NDUFA10: variants seen among roughly 807,000 people sequenced by gnomAD.
The protein encoded by NDUFA10 is NADH dehydrogenase [ubiquinone] 1 alpha subcomplex subunit 10, mitochondrial.
NDUFA10 carries 40 observed loss-of-function variants against 47.8 expected under a neutral mutation model. The ratio of observed to expected loss-of-function variants is 0.84; its 90% CI spans 0.65 to 1.09. NDUFA10 has a LOEUF of 1.09. NDUFA10 is among the 50% of genes least tolerant of loss of function. The pLI, the probability that NDUFA10 is intolerant of heterozygous loss-of-function variation, is 0.00. For missense variants in NDUFA10, 413 were observed against 451.1 expected, an observed-to-expected ratio of 0.92 and a Z score of 0.76; for synonymous variants, 183 against 172.2, an observed-to-expected ratio of 1.06 and a Z score of -0.49.
At chr2:239,934,979 C>T (rs1694240325) in intron 4 of NDUFA10, among the ~76,000 whole-genome samples, 1 of 152,232 alleles carries the variant, frequency 6.6e-6, no homozygotes. Context: ...CCCCACTTTG[C>T]CTTACCCACA....
At chr2:239,935,860 G>T (rs1022404135) in intron 4 of NDUFA10, among the ~76,000 whole-genome samples, 3 of 152,212 alleles carry the variant, frequency 2.0e-5, no homozygotes, top group African/African-American at 7.2e-5. Flanking sequence ...GGAACTGTGA[G>T]TCCATTAAAC....
intron 4 of NDUFA10, among the ~76,000 whole-genome samples, chr2:239,916,629 C>T (rs969067983): frequency 1.3e-5 from 2 of 152,264 alleles, no homozygotes; most frequent in Non-Finnish European, 2.9e-5. Context: ...TATTTCCTCC[C>T]CATTCCAGAG....
intron 4 of NDUFA10, among the ~76,000 whole-genome samples, chr2:239,903,452 G>A (rs1693590819): frequency 6.6e-6 from 1 of 152,178 alleles, no homozygotes; most frequent in South Asian, 2.1e-4. Flanking sequence ...TCCCTGGGCT[G>A]CTCTGCATGT....
intron 7 of NDUFA10, 141 bp from the exon 8 acceptor site, chr2:240,005,436 C>T: frequency 1.4e-6 from 1 of 700,036 alleles, no homozygotes. Flanking sequence ...GCAGCCTTGG[C>T]CTGCTGGGCT....
At position 239,959,586 on chromosome 2, in the gene NDUFA10, T is replaced by G; in HGVS notation, c.*1532A>C. 1 of 985,406 alleles carries G rather than the reference T, an allele frequency of 1.0e-6. No individual in the cohort carries two copies. The highest frequency in any genetic ancestry group is 1.2e-6 in the Non-Finnish European group (1 of 829,976). 61.0% of individuals were successfully genotyped at this position (985,406 alleles called of 1,614,324 possible). A position where few individuals can be genotyped will look rare whatever the true frequency, so the allele number is the denominator to read the frequency against. On this transcript the variant is annotated 3_prime_UTR_variant, in exon 10 of 10. Coordinates refer to ENST00000252711, the MANE Select transcript of NDUFA10 (RefSeq NM_004544.4). ...TTAAATCTCGACTCCAATTCAAAAC[T>G]CCTGGGAAACTTTATTTTCAAATTC...
At chr2:240,012,091 T>G (rs1574886805) in intron 5 of NDUFA10, 1 of 247,618 alleles carries the variant, frequency 4.0e-6, no homozygotes, top group Non-Finnish European at 8.0e-6. Flanking sequence ...GCACACTCTC[T>G]TCTTGTCACC....
At chr2:239,913,292 G>A (rs1365863976) in intron 4 of NDUFA10, among the ~76,000 whole-genome samples, 1 of 152,246 alleles carries the variant, frequency 6.6e-6, no homozygotes, top group Non-Finnish European at 1.5e-5. Context: ...CTCATGCTTA[G>A]CTTGCTCCCT....
chr2:239,927,005 A>G (rs950556354), intron 4 of NDUFA10, among the ~76,000 whole-genome samples: 1 of 152,176 alleles, frequency 6.6e-6, no homozygotes, highest in Non-Finnish European at 1.5e-5. Flanking sequence ...TCACTGTGAC[A>G]AGAACAGCAT....
intron 1 of NDUFA10, 63 bp downstream of exon 1, chr2:240,025,164 T>TGCCCCCCCCCCCCCCC: frequency 3.1e-4 from 186 of 594,862 alleles, no homozygotes; most frequent in East Asian, 6.2e-4. Context: ...GTGGAACTGC[T>TGCCCCCCCCCCCCCCC]CCCCACCCCG....
Position 239,990,150 on chromosome 2 carries a change from G to A in NDUFA10, c.923C>T (p.Thr308Ile). The A allele has an allele frequency of 6.2e-7, 1 of 1,613,888 alleles. No individual in the cohort carries two copies. The highest frequency in any genetic ancestry group is 1.7e-5 in the Admixed American group (1 of 60,012). ...TTCCGGGAGAAAGATAGGAATGCTTGTGTAATTCAGCACCTCAAACTTATC... is the reference window on the plus strand; with the variant it reads ...TTCCGGGAGAAAGATAGGAATGCTTATGTAATTCAGCACCTCAAACTTATC... ...VQDKFEVLNY[T>I]SIPIFLPEVT... The change falls in exon 9 of 10, where the codon ACA becomes ATA. Residue 308 changes from threonine (T) to isoleucine (I), a missense_variant. Transcript: ENST00000252711.
intron 9 of NDUFA10, among the ~76,000 whole-genome samples, chr2:239,989,805 CAG>C (rs1445708376): frequency 6.6e-6 from 1 of 152,206 alleles, no homozygotes; most frequent in African/African-American, 2.4e-5. Context: ...AGCTGATGAA[CAG>C]AGTGTTCTCC....
downstream of NDUFA10, among the ~76,000 whole-genome samples, chr2:239,955,928 C>T (rs894301596): frequency 1.3e-5 from 2 of 152,182 alleles, no homozygotes; most frequent in Non-Finnish European, 2.9e-5. Context: ...ACGGCGCAGG[C>T]TCTGTGTCGA....
At chr2:240,007,068 A>T (rs1237908903) in intron 7 of NDUFA10, among the ~76,000 whole-genome samples, 2 of 152,238 alleles carry the variant, frequency 1.3e-5, no homozygotes, top group Non-Finnish European at 2.9e-5. Flanking sequence ...TAAAAATGGT[A>T]GAGTGGATGA....
chr2:239,977,860 G>A (rs149534944), intron 9 of NDUFA10, among the ~76,000 whole-genome samples: 5 of 152,152 alleles, frequency 3.3e-5, no homozygotes, highest in African/African-American at 1.2e-4. Context: ...TCTCAGCTAC[G>A]CTCGCAGCAC....
At chr2:240,018,031 G>C (rs1311637089) in intron 4 of NDUFA10, 1 of 767,180 alleles carries the variant, frequency 1.3e-6, no homozygotes, top group Non-Finnish European at 2.2e-6. Context: ...CTTCAAACCA[G>C]GGGGTCTTTG....
At chr2:239,937,907 G>A (rs1694291301) in intron 4 of NDUFA10, among the ~76,000 whole-genome samples, 1 of 152,156 alleles carries the variant, frequency 6.6e-6, no homozygotes, top group African/African-American at 2.4e-5. Flanking sequence ...ACACCTCACA[G>A]CTGATCATGA....
At chr2:239,913,050 C>T (rs757563878) in intron 4 of NDUFA10, among the ~76,000 whole-genome samples, 1 of 147,212 alleles carries the variant, frequency 6.8e-6, no homozygotes, top group Non-Finnish European at 1.5e-5. Context: ...GGATTTCCCC[C>T]ACCTCTGCCA....
chr2:239,979,588 T>A (rs1695687677), intron 9 of NDUFA10, among the ~76,000 whole-genome samples: 1 of 122,872 alleles, frequency 8.1e-6, no homozygotes, highest in African/African-American at 2.5e-5. Context: ...GTGGGGGCTC[T>A]CGGGAAAAGA....
At chr2:239,937,470 G>C (rs527291087) in intron 4 of NDUFA10, among the ~76,000 whole-genome samples, 12 of 152,218 alleles carry the variant, frequency 7.9e-5, no homozygotes, top group African/African-American at 2.9e-4. Flanking sequence ...CATACACTAT[G>C]TGCTTTTTGT....
Sources: gnomAD v4.1 joint callset for allele counts (sites outside exome capture counted in the v4.1 genomes callset) on GRCh38, gnomAD v4.1.1 for gene constraint, MANE v1.5 for transcripts, NCBI Gene and HGNC (gene_info 2026-07-23, HGNC 2026-07-21) for gene names.